DOCK3: variants seen among roughly 807,000 people sequenced by gnomAD.
DOCK3 encodes dedicator of cytokinesis 3, also known as dedicator of cytokinesis protein 3.
DOCK3 carries 60 observed loss-of-function variants against 265.6 expected under a neutral mutation model. The ratio of observed to expected loss-of-function variants is 0.23; its 90% CI spans 0.18 to 0.28. The LOEUF is 0.28. DOCK3 is among the 10% of genes least tolerant of loss of function. The pLI is 1.00. For synonymous variants in DOCK3, 881 were observed against 938.0 expected (o/e 0.94, Z 1.11); for missense variants, 1,981 against 2,594.3 (o/e 0.76, Z 5.14).
chr3:50,857,979 G>A (rs770234411), intron 3 of DOCK3, among the ~76,000 whole-genome samples: 10 of 152,126 alleles, frequency 6.6e-5, no homozygotes, highest in South Asian at 4.1e-4. Context: ...ACATGCACAC[G>A]TATGTTTATT....
intron 5 of DOCK3, among the ~76,000 whole-genome samples, chr3:50,959,729 G>A (rs1311688394): frequency 2.6e-5 from 4 of 151,996 alleles, no homozygotes; most frequent in African/African-American, 7.2e-5. Flanking sequence ...ACAGGTGCCC[G>A]CCACCACGCC....
At chr3:51,154,560 A>C (rs555684064) in intron 10 of DOCK3, among the ~76,000 whole-genome samples, 1 of 152,332 alleles carries the variant, frequency 6.6e-6, no homozygotes, top group South Asian at 2.1e-4. Context: ...AGTAAGAGAC[A>C]CCCACCTTCT....
At chr3:50,689,534 G>A (rs1009357950) in intron 1 of DOCK3, among the ~76,000 whole-genome samples, 1 of 152,166 alleles carries the variant, frequency 6.6e-6, no homozygotes, top group African/African-American at 2.4e-5. Flanking sequence ...CCAGTCCCAT[G>A]ATTCAATTAC....
chr3:50,707,330 G>A (rs2036473968), intron 1 of DOCK3, among the ~76,000 whole-genome samples: 1 of 151,960 alleles, frequency 6.6e-6, no homozygotes, highest in African/African-American at 2.4e-5. Context: ...TGAGCTACCT[G>A]GGAGGCTGAG....
chr3:50,880,723 T>C (rs900441176), intron 3 of DOCK3: 1 of 152,276 alleles, frequency 6.6e-6, no homozygotes, highest in Non-Finnish European at 1.5e-5. Context: ...TACCATTCTT[T>C]CTGAAACTAT....
intron 5 of DOCK3, among the ~76,000 whole-genome samples, chr3:51,044,558 G>A (rs1276506380): frequency 2.7e-5 from 4 of 150,132 alleles, no homozygotes; most frequent in East Asian, 2.0e-4. Context: ...TAACAAGCCT[G>A]CACTTGTATC....
chr3:50,958,057 G>A (rs1456272327), intron 5 of DOCK3, among the ~76,000 whole-genome samples: 1 of 152,000 alleles, frequency 6.6e-6, no homozygotes. Context: ...GTCACCCATA[G>A]CAATTCTTCC....
At chr3:50,935,038 C>T (rs2051277570) in intron 5 of DOCK3, among the ~76,000 whole-genome samples, 1 of 152,182 alleles carries the variant, frequency 6.6e-6, no homozygotes. Flanking sequence ...CTCTCTCTCT[C>T]TCTTTTTTTC....
intron 9 of DOCK3, among the ~76,000 whole-genome samples, chr3:51,143,231 T>C (rs2085144070): frequency 6.7e-6 from 1 of 149,128 alleles, no homozygotes; most frequent in South Asian, 2.2e-4. Context: ...AGGTGTGTGG[T>C]GGTATCTCAC....
At chr3:50,838,424 C>T (rs1423683167) in intron 2 of DOCK3, among the ~76,000 whole-genome samples, 4 of 152,086 alleles carry the variant, frequency 2.6e-5, no homozygotes, top group African/African-American at 7.2e-5. Flanking sequence ...TTGCCTTAAC[C>T]TTAAGTTCCT....
At chr3:51,371,697 C>A (rs1454092224) in intron 49 of DOCK3, among the ~76,000 whole-genome samples, 1 of 152,238 alleles carries the variant, frequency 6.6e-6, no homozygotes, top group East Asian at 1.9e-4. Context: ...TTCCCCCACT[C>A]CCAAGAGTGG....
chr3:51,087,330 C>T (rs1296590109), intron 7 of DOCK3, among the ~76,000 whole-genome samples: 2 of 152,198 alleles, frequency 1.3e-5, no homozygotes, highest in African/African-American at 4.8e-5. Context: ...CGTGGTTCAA[C>T]ATGTGCAAAT....
At chr3:51,152,074 A>G (rs967727074) in intron 10 of DOCK3, among the ~76,000 whole-genome samples, 3 of 152,114 alleles carry the variant, frequency 2.0e-5, no homozygotes, top group Admixed American at 2.0e-4. Flanking sequence ...CTCCTGGATA[A>G]TATCCTGCAG....
Position 50,675,321 on chromosome 3 carries a change from GC to G in DOCK3, c.37+23del. On this transcript the variant is annotated intron_variant, in intron 1 of 52. Transcript: ENST00000266037. This position sits in a 1 kb window ranked among gnomAD's most constrained non-coding sequence, Gnocchi z 6.1. ...CGTAGGTAGGTGAGGCTCAGGCCTG[GC>G]CGTGGCGGGGGTTCTGGGGGACGCG... The G allele has an allele frequency of 8.0e-7, 1 of 1,249,230 alleles. No individual in the cohort carries two copies. Among genetic ancestry groups the G allele is most frequent in the Non-Finnish European group, 1.0e-6 (1 of 983,242 alleles). 77.4% of individuals were successfully genotyped at this position (1,249,230 alleles called of 1,614,324 possible).
chr3:50,703,499 A>G (rs972733422), intron 1 of DOCK3, among the ~76,000 whole-genome samples: 2 of 150,288 alleles, frequency 1.3e-5, no homozygotes, highest in African/African-American at 4.9e-5. Context: ...TATTGATTCA[A>G]TGTCATTACT....
intron 5 of DOCK3, among the ~76,000 whole-genome samples, chr3:51,036,528 A>T (rs1302480047): frequency 6.6e-6 from 1 of 152,152 alleles, no homozygotes; most frequent in Non-Finnish European, 1.5e-5. Context: ...TCTCATGGTC[A>T]TATATCTAAA....
intron 5 of DOCK3, among the ~76,000 whole-genome samples, chr3:51,036,838 G>A (rs1169557261): frequency 6.6e-6 from 1 of 152,136 alleles, no homozygotes; most frequent in Non-Finnish European, 1.5e-5. Flanking sequence ...CTGTTCACCT[G>A]ATGGTGATTA....
At chr3:51,302,145 C>A (rs1341996720) in intron 27 of DOCK3, among the ~76,000 whole-genome samples, 5 of 151,148 alleles carry the variant, frequency 3.3e-5, no homozygotes, top group Admixed American at 2.0e-4. Flanking sequence ...TTTAGGATAG[C>A]CCTTCTTGTT....
intron 5 of DOCK3, among the ~76,000 whole-genome samples, chr3:51,046,106 A>G (rs1274162462): frequency 2.0e-5 from 3 of 152,170 alleles, no homozygotes; most frequent in African/African-American, 4.8e-5. Context: ...TTTTTAAAAG[A>G]TATAGAAAAA....
Sources: gnomAD v4.1 joint callset for allele counts (sites outside exome capture counted in the v4.1 genomes callset) on GRCh38, gnomAD v4.1.1 for gene constraint, Gnocchi (gnomAD v3.1) non-coding constraint, MANE v1.5 for transcripts, NCBI Gene and HGNC (gene_info 2026-07-23, HGNC 2026-07-21) for gene names.